Variants in THSD4 observed in about 807,000 individuals in gnomAD.
The protein encoded by THSD4 is thrombospondin type-1 domain-containing protein 4.
In THSD4, 69 loss-of-function variants were observed where a neutral mutation model predicts 119.0. The ratio of observed to expected loss-of-function variants is 0.58; its 90% CI spans 0.48 to 0.71. The LOEUF (loss-of-function observed/expected upper bound fraction) is 0.71, where lower values mean the gene tolerates loss of function less well. Among genes scored for constraint, THSD4 ranks in the 30% least tolerant of loss-of-function variants. THSD4 has a pLI of 0.00. For missense variants in THSD4, 1,393 were observed against 1,391.1 expected (o/e 1.00, Z -0.02); for synonymous variants, 524 against 540.4 (o/e 0.97, Z 0.42).
intron 7 of THSD4, among the ~76,000 whole-genome samples, chr15:71,461,590 T>C (rs77189079): frequency 0.021 from 3,128 of 152,284 alleles, 55 homozygotes; most frequent in Non-Finnish European, 0.027. Flanking sequence ...ATAGGGTCCA[T>C]TAGTATTAAA....
intron 6 of THSD4, chr15:71,341,673 A>G: frequency 6.8e-7 from 1 of 1,480,182 alleles, no homozygotes; most frequent in South Asian, 1.1e-5. Flanking sequence ...GATTTGCCTG[A>G]TTTCGTGGGG....
At chr15:71,479,241 A>G (rs1223717590) in intron 7 of THSD4, among the ~76,000 whole-genome samples, 1 of 133,966 alleles carries the variant, frequency 7.5e-6, no homozygotes, top group Non-Finnish European at 1.5e-5. Context: ...TGAGTAAGGT[A>G]CTAGATGGAC....
intron 6 of THSD4, among the ~76,000 whole-genome samples, chr15:71,370,201 C>G (rs544948726): frequency 5.3e-5 from 8 of 152,122 alleles, no homozygotes; most frequent in African/African-American, 1.7e-4. Flanking sequence ...TGCTAGTGGT[C>G]TATCAATTTT....
At chr15:71,721,242 C>A (rs189753767) in intron 8 of THSD4, among the ~76,000 whole-genome samples, 1 of 152,054 alleles carries the variant, frequency 6.6e-6, no homozygotes, top group African/African-American at 2.4e-5. Context: ...GTGGCTCACC[C>A]CTGTGCCTGT....
In THSD4 at chr15:71,777,618, G is replaced by C. The variant is rs1224971806; in HGVS notation, c.*244G>C. On this transcript the variant is annotated 3_prime_UTR_variant, in exon 18 of 18. Transcript: ENST00000261862. ...TACTGATGATCCCCTCCTTGGACCT[G>C]GCATCTGCTAATGGTGCCCTTTGAA... 3.7e-6 allele frequency: 2 copies of C among 538,004 alleles called. No homozygotes were observed. Among genetic ancestry groups the C allele is most frequent in the African/African-American group, 1.9e-5 (1 of 52,648 alleles). 33.3% of individuals were successfully genotyped at this position (538,004 alleles called of 1,614,324 possible).
upstream of THSD4, chr15:71,111,878 C>T: frequency 1.8e-6 from 1 of 549,910 alleles, no homozygotes; most frequent in Non-Finnish European, 3.2e-6. Flanking sequence ...GAACTCTAGG[C>T]CCAAGAGATG....
rs117093052 is a variant in THSD4 at position 71,284,883 on chromosome 15, C to A, written c.1015+28168C>A. 2.6e-3 allele frequency among the ~76,000 whole-genome samples: 395 copies of A among 152,248 alleles called. 4 individuals carry two copies. Among genetic ancestry groups the A allele is most frequent in the Admixed American group, 4.6e-3 (71 of 15,296 alleles). On this transcript the variant is annotated intron_variant, in intron 6 of 17. Transcript: ENST00000261862. Reference sequence around the variant, plus strand: ...GAACACTAGTCATGACCTACCCAGTCCTTCCCCCTCCCCATAGCTAGTATT... The same window carrying A: ...GAACACTAGTCATGACCTACCCAGTACTTCCCCCTCCCCATAGCTAGTATT...
At chr15:71,482,912 C>T in intron 7 of THSD4, among the ~76,000 whole-genome samples, 1 of 152,114 alleles carries the variant, frequency 6.6e-6, no homozygotes, top group East Asian at 1.9e-4. Context: ...AATAGGAAAG[C>T]AAACCTTTCT....
chr15:71,738,090 C>CT, intron 11 of THSD4, 83 bp downstream of exon 11: 4 of 1,531,748 alleles, frequency 2.6e-6, no homozygotes, highest in Non-Finnish European at 3.5e-6. Flanking sequence ...CGGTCCCCGG[C>CT]TTTTTTGGCA....
intron 6 of THSD4, among the ~76,000 whole-genome samples, chr15:71,262,929 G>C: frequency 6.6e-6 from 1 of 152,044 alleles, no homozygotes; most frequent in East Asian, 1.9e-4. Context: ...AAGTGACCTA[G>C]GCTCAAATTC....
intron 6 of THSD4, among the ~76,000 whole-genome samples, chr15:71,274,972 A>G (rs191664809): frequency 7.4e-4 from 113 of 152,250 alleles, no homozygotes; most frequent in Non-Finnish European, 1.5e-3. Context: ...GCAAAATATT[A>G]AATACTGAGA....
At chr15:71,665,227 G>T (rs1410582213) in intron 8 of THSD4, among the ~76,000 whole-genome samples, 1 of 152,102 alleles carries the variant, frequency 6.6e-6, no homozygotes, top group Non-Finnish European at 1.5e-5. Flanking sequence ...GTTTTGATTT[G>T]CATTTCTCTA....
At chr15:71,735,188 C>G (rs1185460131) in intron 10 of THSD4, among the ~76,000 whole-genome samples, 1 of 152,206 alleles carries the variant, frequency 6.6e-6, no homozygotes, top group East Asian at 1.9e-4. Flanking sequence ...CCCTGGTGGT[C>G]TGTCCACACT....
chr15:71,181,785 A>G (rs541630466), intron 3 of THSD4, among the ~76,000 whole-genome samples: 16 of 152,332 alleles, frequency 1.1e-4, no homozygotes, highest in African/African-American at 3.8e-4. Context: ...GAAGACCAGA[A>G]AGAAGCCATA....
intron 7 of THSD4, among the ~76,000 whole-genome samples, chr15:71,643,019 A>G (rs964447190): frequency 6.6e-6 from 1 of 152,192 alleles, no homozygotes; most frequent in Non-Finnish European, 1.5e-5. Context: ...CCTGCTCAAC[A>G]TCTTACTCAT....
chr15:71,612,290 G>C (rs886072616), intron 7 of THSD4, among the ~76,000 whole-genome samples: 1 of 152,210 alleles, frequency 6.6e-6, no homozygotes, highest in African/African-American at 2.4e-5. Flanking sequence ...AGGTCAGTCG[G>C]ATGAGCTCAC....
intron 3 of THSD4, among the ~76,000 whole-genome samples, chr15:71,157,132 A>G (rs952662602): frequency 6.6e-6 from 1 of 152,220 alleles, no homozygotes; most frequent in African/African-American, 2.4e-5. Flanking sequence ...AGGCTATCAT[A>G]ACGGAAAATA....
rs1396562306 is a variant in THSD4, at chr15:71,419,332, G to A, written c.1152+7509G>A. Among the ~76,000 whole-genome samples the A allele has an allele frequency of 1.9e-5, 2 of 105,572 alleles. 1 individual carries two copies. The highest frequency in any genetic ancestry group is 4.1e-5 in the Non-Finnish European group (2 of 48,628). 69.3% of individuals were successfully genotyped at this position (105,572 alleles called of 152,430 possible). A position where few individuals can be genotyped will look rare whatever the true frequency, so the allele number is the denominator to read the frequency against. ...TTCCCCCAGCTCAGCCTCCTGGGTA[G>A]CTGGAATAACAGGTGCACGCCACCA... is the stretch of plus-strand genomic sequence containing the variant. On this transcript the variant is annotated intron_variant, in intron 7 of 17. Coordinates refer to ENST00000261862, the MANE Select transcript of THSD4 (RefSeq NM_024817.3).
At chr15:71,230,351 C>T (rs761897661) in intron 4 of THSD4, among the ~76,000 whole-genome samples, 5 of 152,322 alleles carry the variant, frequency 3.3e-5, no homozygotes, top group East Asian at 3.9e-4. Context: ...CATGCAAAGC[C>T]GCCTCCGTAC....
Sources: allele counts gnomAD v4.1 joint callset (sites outside exome capture counted in the v4.1 genomes callset), GRCh38; gene constraint gnomAD v4.1.1; transcripts MANE v1.5; gene names NCBI Gene and HGNC (gene_info 2026-07-23, HGNC 2026-07-21).